The following LRRC38 variants were observed in gnomAD, a reference collection of about 807,000 sequenced individuals.
LRRC38 encodes the protein leucine-rich repeat-containing protein 38.
LRRC38 carries 5 observed loss-of-function variants against 16.4 expected under a neutral mutation model. That is an observed-to-expected ratio of 0.31 (90% CI 0.16 to 0.64). The LOEUF (loss-of-function observed/expected upper bound fraction) is 0.64. Ranked by LOEUF, LRRC38 falls within the 30% of genes least tolerant of loss-of-function variation. LRRC38 has a pLI of 0.80. For missense variants in LRRC38, 341 were observed against 401.8 expected, an observed-to-expected ratio of 0.85 and a Z score of 1.29; for synonymous variants, 191 against 190.2, an observed-to-expected ratio of 1.00 and a Z score of -0.04.
At chr1:13,499,891 A>C (rs1328499749) in intron 1 of LRRC38, among the ~76,000 whole-genome samples, 1 of 152,180 alleles carries the variant, frequency 6.6e-6, no homozygotes, top group Non-Finnish European at 1.5e-5. Flanking sequence ...ACTAAGCCAA[A>C]GGGAAAAGTC....
At chr1:13,512,441 C>A (rs1450523232) in intron 1 of LRRC38, among the ~76,000 whole-genome samples, 3 of 152,150 alleles carry the variant, frequency 2.0e-5, no homozygotes, top group African/African-American at 7.2e-5. Flanking sequence ...TCTTAATGGG[C>A]TGCCATTATT....
At chr1:13,494,493 G>A (rs1398432122) in intron 1 of LRRC38, among the ~76,000 whole-genome samples, 1 of 150,252 alleles carries the variant, frequency 6.7e-6, no homozygotes, top group African/African-American at 2.5e-5. Context: ...ATAGACTTGT[G>A]AATATTTTTG....
chr1:13,501,129 G>A (rs1160834652), intron 1 of LRRC38, among the ~76,000 whole-genome samples: 1 of 151,936 alleles, frequency 6.6e-6, no homozygotes, highest in Non-Finnish European at 1.5e-5. Flanking sequence ...TGCAATATAT[G>A]GTACTGATGT....
At chr1:13,492,741 T>C (rs1639029693) in intron 1 of LRRC38, among the ~76,000 whole-genome samples, 1 of 152,094 alleles carries the variant, frequency 6.6e-6, no homozygotes. Flanking sequence ...AACATACCAT[T>C]ACCCAGCCCT....
In LRRC38 at chr1:13,475,785, C is replaced by T. The variant is rs1011913892; in HGVS notation, c.*61G>A. 25 of 1,522,704 alleles carry T rather than the reference C, an allele frequency of 1.6e-5. No individual in the cohort carries two copies. The highest frequency in any genetic ancestry group is 2.2e-5 in the Non-Finnish European group (25 of 1,131,668). 94.3% of individuals were successfully genotyped at this position (1,522,704 alleles called of 1,614,324 possible). A position where few individuals can be genotyped will look rare whatever the true frequency, so the allele number is the denominator to read the frequency against. On this transcript the variant is annotated 3_prime_UTR_variant, in exon 2 of 2. Transcript: ENST00000376085. The surrounding 1 kb of genome is among the most constrained non-coding windows in gnomAD (Gnocchi z 4.3). ...TTTTCCATTTTCAGCATTTCCCTCT[C>T]GTCTTGGAGAGAGCTTCTGGTTCGG... is the stretch of plus-strand genomic sequence containing the variant.
At position 13,475,644 on chromosome 1, in the gene LRRC38, T is replaced by C; in HGVS notation, c.*202A>G. ...CTCCAGGAATAATTCCCTCCATCCTTCCTGGGCTTCTGTGCTCTGCTGATT... is the reference window on the plus strand; with the variant it reads ...CTCCAGGAATAATTCCCTCCATCCTCCCTGGGCTTCTGTGCTCTGCTGATT... On this transcript the variant is annotated 3_prime_UTR_variant, in exon 2 of 2. Coordinates refer to ENST00000376085, the MANE Select transcript of LRRC38 (RefSeq NM_001010847.2). The surrounding 1 kb of genome is among the most constrained non-coding windows in gnomAD (Gnocchi z 4.3). 1.6e-6 allele frequency: 1 copy of C among 626,504 alleles called. No individual in the cohort carries two copies. The highest frequency in any genetic ancestry group is 2.8e-5 in the East Asian group (1 of 35,444). 38.8% of individuals were successfully genotyped at this position (626,504 alleles called of 1,614,324 possible).
chr1:13,486,252 C>G (rs1040620052), intron 1 of LRRC38, among the ~76,000 whole-genome samples: 2 of 152,138 alleles, frequency 1.3e-5, no homozygotes, highest in Non-Finnish European at 2.9e-5. Context: ...TCTGTGTCTC[C>G]GTCTTGCAAG....
rs1176947673 is a variant in LRRC38 at position 13,475,897 on chromosome 1, C to A, written c.834G>T (p.Arg278Ser). ...CCTCCGCATCTTTGTTGGGTGCGCA[C>A]CTCTGGAGGCACTGCACCACAGTGG... The part of the protein sequence containing the change: ...FLATVVQCLQ[R>S]CAPNKDAEDE... The change falls in exon 2 of 2, where the codon AGG becomes AGT. Residue 278 changes from arginine to serine, a missense_variant. Transcript: ENST00000376085. This position sits in a 1 kb window ranked among gnomAD's most constrained non-coding sequence, Gnocchi z 4.3. 4 of 1,550,414 alleles carry A rather than the reference C, an allele frequency of 2.6e-6. No homozygotes were observed. Among genetic ancestry groups the A allele is most frequent in the Non-Finnish European group, 3.5e-6 (4 of 1,147,008 alleles).
At chr1:13,493,265 C>T (rs574993229) in intron 1 of LRRC38, among the ~76,000 whole-genome samples, 1 of 147,788 alleles carries the variant, frequency 6.8e-6, no homozygotes, top group African/African-American at 2.5e-5. Context: ...CAGCGGGGCT[C>T]GGTGCTGCAG....
In LRRC38 at chr1:13,513,301, C is replaced by T. The variant is rs1469741335; in HGVS notation, c.293G>A (p.Gly98Asp). The change falls in exon 1 of 2, where the codon GGC (glycine) becomes GAC (aspartate). Residue 98 changes from glycine to aspartate, a missense_variant. Transcript: ENST00000376085. ...RNNSLRSLEE[G>D]TFSGSAKLVF... ...GAGCTTGGCCGAGCCGCTGAACGTG[C>T]CCTCCTCCAGCGAGCGCAGCGAGTT... The T allele has an allele frequency of 1.9e-6, 3 of 1,550,654 alleles. No homozygotes were observed. Among genetic ancestry groups the T allele is most frequent in the Non-Finnish European group, 2.6e-6 (3 of 1,146,980 alleles).
At chr1:13,494,412 T>C (rs2100507783) in intron 1 of LRRC38, among the ~76,000 whole-genome samples, 1 of 152,024 alleles carries the variant, frequency 6.6e-6, no homozygotes, top group South Asian at 2.1e-4. Context: ...TTTTTTTTTT[T>C]TTTTTTCCAT....
At chr1:13,496,337 T>A (rs1182586933) in intron 1 of LRRC38, among the ~76,000 whole-genome samples, 3 of 149,950 alleles carry the variant, frequency 2.0e-5, no homozygotes, top group African/African-American at 7.3e-5. Context: ...CCTAGCTATT[T>A]ATTTTTTATT....
chr1:13,481,813 CTCTCTCT>C (rs1638873629), intron 1 of LRRC38, among the ~76,000 whole-genome samples: 3 of 141,218 alleles, frequency 2.1e-5, no homozygotes, highest in Non-Finnish European at 4.7e-5. Context: ...CTCTCTCTCT[CTCTCTCT>C]CTCTCTGCCA....
intron 1 of LRRC38, among the ~76,000 whole-genome samples, chr1:13,496,425 A>G (rs907331841): frequency 1.3e-5 from 2 of 152,074 alleles, no homozygotes; most frequent in African/African-American, 4.8e-5. Context: ...TTCCCGCCTC[A>G]GCCTCCCAAG....
At position 13,476,179 on chromosome 1, in the gene LRRC38, C is replaced by G. The variant is rs187750460; in HGVS notation, c.632-80G>C. ...TAAAAGTTGACAAGGCAGGTGCTTA[C>G]AAAGCCAGCAATGTGCAAGCATCCT... On this transcript the variant is annotated intron_variant, in intron 1 of 1. Coordinates refer to ENST00000376085, the MANE Select transcript of LRRC38 (RefSeq NM_001010847.2). 382 of 1,347,528 alleles carry G rather than the reference C, an allele frequency of 2.8e-4. No individual in the cohort carries two copies. In the African/African-American group the frequency reaches 4.1e-3, roughly 14 times the overall value. 83.5% of individuals were successfully genotyped at this position (1,347,528 alleles called of 1,614,324 possible).
chr1:13,480,567 T>C (rs1024017410), intron 1 of LRRC38, among the ~76,000 whole-genome samples: 2 of 152,164 alleles, frequency 1.3e-5, no homozygotes, highest in Non-Finnish European at 1.5e-5. Context: ...ATTGTAATAA[T>C]CCCCAGCTGT....
At position 13,511,174 on chromosome 1, in the gene LRRC38, A is replaced by T. The variant is rs186728038; in HGVS notation, c.631+1789T>A. Among the ~76,000 whole-genome samples, 28 of 152,290 alleles carry T rather than the reference A, an allele frequency of 1.8e-4. No individual in the cohort carries two copies. The East Asian group carries it at 5.2e-3, about 28-fold the overall frequency. ...TCCCCACATCACAGACAGCAGGAGG[A>T]GGAACATTTCACTTCCATTGCTCGT... is the stretch of plus-strand genomic sequence containing the variant. On this transcript the variant is annotated intron_variant, in intron 1 of 1. Transcript: ENST00000376085.
At chr1:13,503,516 G>A (rs945632132) in intron 1 of LRRC38, among the ~76,000 whole-genome samples, 33 of 152,240 alleles carry the variant, frequency 2.2e-4, no homozygotes, top group African/African-American at 7.7e-4. Context: ...TGATCTGCCC[G>A]CCTCAGCCTC....
At chr1:13,503,846 C>T (rs1355834842) in intron 1 of LRRC38, among the ~76,000 whole-genome samples, 1 of 152,128 alleles carries the variant, frequency 6.6e-6, no homozygotes, top group Non-Finnish European at 1.5e-5. Flanking sequence ...CTTCAATGGC[C>T]CATAGCTCCC....
Sources: gnomAD v4.1 joint callset for allele counts (sites outside exome capture counted in the v4.1 genomes callset) on GRCh38, gnomAD v4.1.1 for gene constraint, Gnocchi (gnomAD v3.1) non-coding constraint, MANE v1.5 for transcripts, NCBI Gene and HGNC (gene_info 2026-07-23, HGNC 2026-07-21) for gene names.